Variants in TTLL5 observed in about 807,000 individuals in gnomAD.
TTLL5 encodes tubulin tyrosine ligase like 5, also known as tubulin polyglutamylase TTLL5.
In TTLL5, 132 loss-of-function variants were observed where a neutral mutation model predicts 168.4. The ratio of observed to expected loss-of-function variants is 0.78; its 90% CI spans 0.68 to 0.91. The LOEUF is 0.91. TTLL5 is among the 40% of genes least tolerant of loss of function. The probability of loss-of-function intolerance (pLI) is 0.00; values close to 1 mark genes in which losing one functional copy is unlikely to be tolerated. For synonymous variants in TTLL5, 546 were observed against 558.6 expected, an observed-to-expected ratio of 0.98 and a Z score of 0.32; for missense variants, 1,545 against 1,581.5, an observed-to-expected ratio of 0.98 and a Z score of 0.39.
At chr14:75,854,004 C>T (rs1897006715) in intron 28 of TTLL5, among the ~76,000 whole-genome samples, 1 of 151,974 alleles carries the variant, frequency 6.6e-6, no homozygotes, top group Admixed American at 6.6e-5. Flanking sequence ...GACCATGCCA[C>T]TGCCCTCCAG....
chr14:75,706,092 G>A (rs980698033), intron 7 of TTLL5, among the ~76,000 whole-genome samples: 11 of 152,094 alleles, frequency 7.2e-5, no homozygotes, highest in Admixed American at 1.3e-4. Flanking sequence ...GGCTTGGTGC[G>A]TGCCATCTTC....
intron 28 of TTLL5, among the ~76,000 whole-genome samples, chr14:75,861,005 T>A (rs780820175): frequency 2.4e-4 from 36 of 152,338 alleles, no homozygotes; most frequent in Middle Eastern, 6.8e-3. Context: ...TCCATACGTC[T>A]AGAAGTCTCT....
At chr14:75,665,880 A>T (rs1247053450) in intron 2 of TTLL5, among the ~76,000 whole-genome samples, 1 of 152,230 alleles carries the variant, frequency 6.6e-6, no homozygotes, top group African/African-American at 2.4e-5. Flanking sequence ...AAACTGCTGT[A>T]ATTTTAGATA....
intron 3 of TTLL5, among the ~76,000 whole-genome samples, chr14:75,673,130 G>GGA (rs1236249545): frequency 1.3e-5 from 2 of 151,732 alleles, no homozygotes; most frequent in Non-Finnish European, 2.9e-5. Context: ...GCTTTTTGTA[G>GGA]AGATGGGGGG....
In TTLL5 at chr14:75,764,736, A is replaced by T. The variant is rs760921392; in HGVS notation, c.1672A>T (p.Ser558Cys). The change falls in exon 19 of 32, where the codon AGT becomes TGT. Residue 558 changes from serine (S) to cysteine (C), a missense_variant. Ser to Cys is a moderately radical substitution (Grantham distance 112). Transcript: ENST00000298832. ...GGAGGTGCGAAAACGTAGACGACGG[A>T]GTAGCAGATTGAGGGCAATGAGGCC... is the stretch of plus-strand genomic sequence containing the variant. Reference protein sequence around the residue: ...SLEVRKRRRRSSRLRAMRPKY... With the variant: ...SLEVRKRRRRCSRLRAMRPKY... 6.2e-7 allele frequency: 1 copy of T among 1,614,184 alleles called. No individual in the cohort carries two copies. Among genetic ancestry groups the T allele is most frequent in the East Asian group, 2.2e-5 (1 of 44,886 alleles).
rs1890965117 is a variant in TTLL5, at chr14:75,766,246, A to C, written c.1893A>C (p.Lys631Asn). The change falls in exon 20 of 32, where the codon AAA becomes AAC. Residue 631 changes from lysine (K) to asparagine (N), a missense_variant. Transcript: ENST00000298832. ...SLTALVENTP[K>N]ENSMKVREWN... The stretch of plus-strand genomic sequence containing the variant: ...CAGCTTTGGTAGAAAATACACCCAA[A>C]GAAAATTCCATGAAAGTTCGTGAAT... 1.9e-6 allele frequency: 3 copies of C among 1,614,030 alleles called. No homozygotes were observed. In the African/African-American group the frequency reaches 4.0e-5, roughly 22 times the overall value.
chr14:75,771,859 G>A lies in TTLL5; in HGVS notation c.2136+5G>A, dbSNP rs751607633. 1 of 1,606,088 alleles carries A rather than the reference G, an allele frequency of 6.2e-7. No homozygotes were observed. Among genetic ancestry groups the A allele is most frequent in the South Asian group, 1.1e-5 (1 of 88,946 alleles). ...GCCAAAGAGGATGAACAGATGGTAA[G>A]GCTTTTCTTACTGAAACCTTTTTAC... On this transcript the variant is annotated splice_donor_5th_base_variant and intron_variant, in intron 21 of 31. Transcript: ENST00000298832.
chr14:75,798,161 T>A (rs1893092978), intron 27 of TTLL5, among the ~76,000 whole-genome samples: 1 of 152,106 alleles, frequency 6.6e-6, no homozygotes, highest in Non-Finnish European at 1.5e-5. Flanking sequence ...TTATTCCTGG[T>A]TTAATCTAGA....
At chr14:75,750,728 A>G (rs1335812295) in intron 17 of TTLL5, among the ~76,000 whole-genome samples, 1 of 151,742 alleles carries the variant, frequency 6.6e-6, no homozygotes, top group Non-Finnish European at 1.5e-5. Flanking sequence ...AGGGTCAACT[A>G]TATATACTAT....
At chr14:75,925,079 G>A (rs1486201169) in intron 31 of TTLL5, among the ~76,000 whole-genome samples, 7 of 146,866 alleles carry the variant, frequency 4.8e-5, no homozygotes, top group African/African-American at 7.7e-5. Context: ...GCGGCTGGTC[G>A]GGCGGGGGGC....
Position 75,780,729 on chromosome 14 carries a change from A to G in TTLL5, c.2515+1027A>G, listed in dbSNP as rs1266869144. On this transcript the variant is annotated intron_variant, in intron 24 of 31. Coordinates refer to ENST00000298832, the MANE Select transcript of TTLL5 (RefSeq NM_015072.5). ...AACAGTGTTAATCTTTTAAAAACTG[A>G]TTTGGTTCATAGGCCAATCCACATA... is the stretch of plus-strand genomic sequence containing the variant. Among the ~76,000 whole-genome samples the G allele has an allele frequency of 2.6e-5, 4 of 152,192 alleles. No individual in the cohort carries two copies. The East Asian group carries it at 7.7e-4, about 29-fold the overall frequency.
At chr14:75,669,280 A>T in intron 2 of TTLL5, 136 bp from the exon 3 acceptor site, 3 of 761,830 alleles carry the variant, frequency 3.9e-6, no homozygotes, top group Non-Finnish European at 6.4e-6. Flanking sequence ...GGGAGATGTG[A>T]TTTCCCACAG....
At chr14:75,748,180 C>G (rs1163236479) in intron 17 of TTLL5, among the ~76,000 whole-genome samples, 1 of 150,894 alleles carries the variant, frequency 6.6e-6, no homozygotes, top group Non-Finnish European at 1.5e-5. Context: ...GTAAACTTTT[C>G]TAGCTGTTTA....
intron 31 of TTLL5, among the ~76,000 whole-genome samples, chr14:75,918,261 CT>C (rs1353203325): frequency 1.3e-5 from 2 of 152,156 alleles, no homozygotes; most frequent in Non-Finnish European, 2.9e-5. Flanking sequence ...GAGAGGTGGT[CT>C]TTTAGCTGGG....
chr14:75,690,104 CTG>C (rs1885343210), intron 5 of TTLL5, 86 bp from the exon 6 acceptor site: 8 of 1,441,142 alleles, frequency 5.6e-6, no homozygotes, highest in South Asian at 1.2e-5. Flanking sequence ...CGGTCTAGGA[CTG>C]TGAACTGTAA....
intron 9 of TTLL5, chr14:75,712,201 A>G (rs543423916): frequency 2.6e-5 from 4 of 151,904 alleles, no homozygotes; most frequent in Non-Finnish European, 4.4e-5. Context: ...TCTCTTCCAT[A>G]AGATTTTTCT....
intron 28 of TTLL5, among the ~76,000 whole-genome samples, chr14:75,852,263 A>G (rs547014653): frequency 2.0e-5 from 3 of 152,160 alleles, no homozygotes; most frequent in Non-Finnish European, 2.9e-5. Context: ...AATTCTCACT[A>G]TCTCAGTGCT....
rs1210248929 is a variant in TTLL5 at position 75,752,872 on chromosome 14, GTTTC to G, written c.1488-13_1488-10del. 37 of 1,610,886 alleles carry G rather than the reference GTTTC, an allele frequency of 2.3e-5. No homozygotes were observed. Among genetic ancestry groups the G allele is most frequent in the Non-Finnish European group, 3.1e-5 (37 of 1,178,188 alleles). ...CTTGAACTAGCTTAAGAAATAACCA[GTTTC>G]TTTCTTTGCTTTTCAGGTCCTACCT... On this transcript the variant is annotated splice_polypyrimidine_tract_variant and intron_variant, in intron 17 of 31. Transcript: ENST00000298832.
chr14:75,839,642 C>T (rs956964645), intron 28 of TTLL5, among the ~76,000 whole-genome samples: 2 of 152,126 alleles, frequency 1.3e-5, no homozygotes, highest in Non-Finnish European at 2.9e-5. Flanking sequence ...GTGAACAGCA[C>T]GGGGGAAACC....
Sources: gnomAD v4.1 joint callset for allele counts (sites outside exome capture counted in the v4.1 genomes callset) on GRCh38, gnomAD v4.1.1 for gene constraint, MANE v1.5 for transcripts, NCBI Gene and HGNC (gene_info 2026-07-23, HGNC 2026-07-21) for gene names.